GNA14: variants seen among roughly 807,000 people sequenced by gnomAD.
GNA14 encodes the protein guanine nucleotide-binding protein subunit alpha-14.
A neutral mutation model predicts 42.0 loss-of-function variants in GNA14; 50 were observed. The ratio of observed to expected loss-of-function variants is 1.19; its 90% CI spans 0.95 to 1.51. GNA14 has a LOEUF of 1.51. GNA14 is among the 40% of genes most tolerant of loss of function. GNA14 has a pLI of 0.00. For synonymous variants in GNA14, 173 were observed against 163.1 expected (o/e 1.06, Z -0.46); for missense variants, 473 against 446.2 (o/e 1.06, Z -0.54).
intron 2 of GNA14, among the ~76,000 whole-genome samples, chr9:77,475,924 T>C (rs1836413889): frequency 6.6e-6 from 1 of 152,162 alleles, no homozygotes; most frequent in Admixed American, 6.5e-5. Flanking sequence ...CATATCCCCT[T>C]AGCCCCCTAA....
At chr9:77,607,596 G>A (rs939732832) in intron 1 of GNA14, among the ~76,000 whole-genome samples, 1 of 152,172 alleles carries the variant, frequency 6.6e-6, no homozygotes, top group Non-Finnish European at 1.5e-5. Context: ...TAAGAACTTT[G>A]CAAACTTCTT....
chr9:77,541,623 T>C (rs79482934), intron 1 of GNA14, among the ~76,000 whole-genome samples: 238 of 152,324 alleles, frequency 1.6e-3, no homozygotes, highest in African/African-American at 5.6e-3. Context: ...TCATTAAATA[T>C]GTTTTCTAAC....
chr9:77,538,201 G>A (rs1208973120), intron 1 of GNA14, among the ~76,000 whole-genome samples: 1 of 151,778 alleles, frequency 6.6e-6, no homozygotes, highest in Non-Finnish European at 1.5e-5. Context: ...CTCCCAAGTA[G>A]CTGGGACTAC....
intron 1 of GNA14, among the ~76,000 whole-genome samples, chr9:77,600,594 C>G (rs1823541747): frequency 2.0e-5 from 3 of 152,104 alleles, no homozygotes; most frequent in Non-Finnish European, 4.4e-5. Flanking sequence ...CAGGGTAGAC[C>G]AGAGAGCAAG....
intron 2 of GNA14, among the ~76,000 whole-genome samples, chr9:77,449,603 T>G (rs1023023818): frequency 2.4e-4 from 37 of 152,172 alleles, no homozygotes; most frequent in Non-Finnish European, 4.9e-4. Flanking sequence ...ACATTCTCCC[T>G]GGGGCGCTGC....
chr9:77,638,283 G>A (rs1305062414), intron 1 of GNA14, among the ~76,000 whole-genome samples: 1 of 152,124 alleles, frequency 6.6e-6, no homozygotes, highest in South Asian at 2.1e-4. Flanking sequence ...ATCTATTTGG[G>A]GGCAGACAAG....
At chr9:77,454,577 ATTTTTTTTT>A (rs35309093) in intron 2 of GNA14, among the ~76,000 whole-genome samples, 3 of 128,638 alleles carry the variant, frequency 2.3e-5, no homozygotes, top group African/African-American at 8.7e-5. Context: ...GGCCATCAGG[ATTTTTTTTT>A]TTTTTTTTTT....
intron 1 of GNA14, among the ~76,000 whole-genome samples, chr9:77,581,554 A>C (rs1823224094): frequency 6.6e-6 from 1 of 152,220 alleles, no homozygotes; most frequent in Admixed American, 6.5e-5. Context: ...CGAGACAACT[A>C]CACAGTGGCC....
intron 2 of GNA14, among the ~76,000 whole-genome samples, chr9:77,444,577 T>G (rs1835784719): frequency 6.6e-6 from 1 of 152,106 alleles, no homozygotes; most frequent in Non-Finnish European, 1.5e-5. Context: ...ATCCCCGTTT[T>G]CTCCTTAACT....
chr9:77,502,064 A>G (rs2131743858), intron 2 of GNA14, among the ~76,000 whole-genome samples: 2 of 152,112 alleles, frequency 1.3e-5, no homozygotes, highest in South Asian at 2.1e-4. Context: ...CTGTCTCTCT[A>G]TGTTCTGTTG....
In GNA14 at chr9:77,563,842, C is replaced by T. The variant is rs74963342; in HGVS notation, c.125-34589G>A. Among the ~76,000 whole-genome samples, 716 of 152,150 alleles carry T rather than the reference C, an allele frequency of 4.7e-3. 6 individuals are homozygous for T. The highest frequency in any genetic ancestry group is 0.016 in the African/African-American group (684 of 41,506). ...CCCTGTTAGACAACTTCCTATGGAG[C>T]GCAATTTGGGGTCTTGAAGCATTAC... On this transcript the variant is annotated intron_variant, in intron 1 of 6. Transcript: ENST00000341700.
chr9:77,609,097 TTC>T (rs1275605949), intron 1 of GNA14, among the ~76,000 whole-genome samples: 1 of 152,170 alleles, frequency 6.6e-6, no homozygotes, highest in Admixed American at 6.5e-5. Context: ...TTAAATTCAT[TTC>T]TCTTTTCTCC....
chr9:77,647,679 G>C lies in GNA14; in HGVS notation c.115C>G (p.Leu39Val). 1 of 1,610,108 alleles carries C rather than the reference G, an allele frequency of 6.2e-7. No homozygotes were observed. The highest frequency in any genetic ancestry group is 1.7e-4 in the Middle Eastern group (1 of 6,048). ...AGACGCAGCCACTCACCCAGCAGCAGCAGCTTAAGCTCACGGCGCGCGTCC... is the reference window on the plus strand; with the variant it reads ...AGACGCAGCCACTCACCCAGCAGCACCAGCTTAAGCTCACGGCGCGCGTCC... ...KKDARRELKL[L>V]LLGTGESGKS... Residue 39 changes from leucine (L) to valine (V), a missense_variant, in exon 1 of 7, where the codon CTG becomes GTG. Coordinates refer to ENST00000341700, the MANE Select transcript of GNA14 (RefSeq NM_004297.4).
chr9:77,600,199 G>T (rs1292400491), intron 1 of GNA14, among the ~76,000 whole-genome samples: 2 of 152,188 alleles, frequency 1.3e-5, no homozygotes, highest in African/African-American at 4.8e-5. Flanking sequence ...ATTTGATTCT[G>T]ATAGTGCAGT....
rs1409137346 is a variant in GNA14 at position 77,429,148 on chromosome 9, TAAGA to T, written c.594-116_594-113del. The T allele has an allele frequency of 4.4e-5, 43 of 986,426 alleles. No homozygotes were observed. In the Admixed American group the frequency reaches 9.2e-4, roughly 21 times the overall value. 61.1% of individuals were successfully genotyped at this position (986,426 alleles called of 1,614,324 possible). ...TGCTCTTGGAGTCCTCAGTAATTTC[TAAGA>T]GAGAAAAGAGGTTCTAAGTTTTAAA... On this transcript the variant is annotated intron_variant, in intron 4 of 6. Coordinates refer to ENST00000341700, the MANE Select transcript of GNA14 (RefSeq NM_004297.4).
intron 2 of GNA14, among the ~76,000 whole-genome samples, chr9:77,525,534 T>TTTG (rs1434687554): frequency 1.3e-3 from 200 of 151,132 alleles, no homozygotes; most frequent in Non-Finnish European, 2.3e-3. Flanking sequence ...CCAGGGATGG[T>TTTG]TTGTTCTTTT....
intron 1 of GNA14, among the ~76,000 whole-genome samples, chr9:77,578,578 G>A (rs1021518361): frequency 1.3e-5 from 2 of 152,108 alleles, no homozygotes; most frequent in African/African-American, 4.8e-5. Context: ...AGATATAGAT[G>A]AGCACCATAT....
At chr9:77,565,180 T>C (rs1242559364) in intron 1 of GNA14, among the ~76,000 whole-genome samples, 2 of 152,226 alleles carry the variant, frequency 1.3e-5, no homozygotes, top group Non-Finnish European at 2.9e-5. Context: ...TCAAAGTATT[T>C]CTTTTAAAAT....
At chr9:77,617,633 A>G (rs557863114) in intron 1 of GNA14, among the ~76,000 whole-genome samples, 25 of 152,086 alleles carry the variant, frequency 1.6e-4, no homozygotes, top group African/African-American at 4.3e-4. Context: ...CTCCACGCCA[A>G]TCATGACTCT....
Sources: gnomAD v4.1 joint callset for allele counts (sites outside exome capture counted in the v4.1 genomes callset) on GRCh38, gnomAD v4.1.1 for gene constraint, MANE v1.5 for transcripts, NCBI Gene and HGNC (gene_info 2026-07-23, HGNC 2026-07-21) for gene names.